KDM4C: variants seen among roughly 807,000 people sequenced by gnomAD.
The protein encoded by KDM4C is lysine demethylase 4C, also known as lysine-specific demethylase 4C.
A neutral mutation model predicts 129.3 loss-of-function variants in KDM4C; 81 were observed. That is an observed-to-expected ratio of 0.63 (90% CI 0.52 to 0.75). The LOEUF (loss-of-function observed/expected upper bound fraction) is 0.75. Among genes scored for constraint, KDM4C ranks in the 30% least tolerant of loss-of-function variants. The probability of loss-of-function intolerance (pLI) is 0.00; values close to 1 mark genes in which losing one functional copy is unlikely to be tolerated. For missense variants in KDM4C, 1,457 were observed against 1,304.0 expected (o/e 1.12, Z -1.81); for synonymous variants, 573 against 456.1 (o/e 1.26, Z -3.26).
chr9:7,054,702 T>C (rs999324324), intron 17 of KDM4C, among the ~76,000 whole-genome samples: 2 of 152,352 alleles, frequency 1.3e-5, no homozygotes. Flanking sequence ...TTACCATGAA[T>C]GTTTATTGTA....
rs776962078 is a variant in KDM4C at position 7,065,382 on chromosome 9, G to C, written c.2424+16182G>C. ...TTGACTACTTTTCATTACAGGAATA[G>C]CGCTTAAGGTTAATTAAAACTTTCA... On this transcript the variant is annotated intron_variant, in intron 17 of 21. Transcript: ENST00000381309. Among the ~76,000 whole-genome samples the C allele has an allele frequency of 5.3e-5, 8 of 152,072 alleles. No individual in the cohort carries two copies. The East Asian group carries it at 1.3e-3, about 26-fold the overall frequency.
At chr9:7,121,048 A>T (rs1036598145) in intron 18 of KDM4C, among the ~76,000 whole-genome samples, 1 of 152,232 alleles carries the variant, frequency 6.6e-6, no homozygotes, top group Non-Finnish European at 1.5e-5. Flanking sequence ...AGAGTTATAC[A>T]TCACTAACAT....
chr9:6,987,139 A>G (rs1277149688), intron 11 of KDM4C, among the ~76,000 whole-genome samples: 3 of 152,126 alleles, frequency 2.0e-5, no homozygotes, highest in South Asian at 4.2e-4. Context: ...CTTTCTGCCA[A>G]TAGTTAATAC....
chr9:6,772,296 C>T (rs1822013476), intron 1 of KDM4C, among the ~76,000 whole-genome samples: 1 of 150,838 alleles, frequency 6.6e-6, no homozygotes, highest in South Asian at 2.1e-4. Context: ...ATTATAGGTG[C>T]CTGCCACCAT....
chr9:7,007,455 G>C (rs1167598642), intron 12 of KDM4C, among the ~76,000 whole-genome samples: 1 of 152,164 alleles, frequency 6.6e-6, no homozygotes, highest in Admixed American at 6.5e-5. Flanking sequence ...AGAACCTAGG[G>C]AGAAAAGGAG....
In KDM4C at chr9:7,113,730, C is replaced by T. The variant is rs117508546; in HGVS notation, c.2610+9860C>T. Among the ~76,000 whole-genome samples the T allele has an allele frequency of 5.3e-5, 8 of 152,310 alleles. No individual in the cohort carries two copies. The East Asian group carries it at 5.8e-4, about 11-fold the overall frequency. On this transcript the variant is annotated intron_variant, in intron 18 of 21. Coordinates refer to ENST00000381309, the MANE Select transcript of KDM4C (RefSeq NM_015061.6). ...TTCGTGCTAATGAAAAATAATTTCT[C>T]GAGCATTTGATGAGCTCCTATTATG...
chr9:6,900,302 CT>C (rs1171354571), intron 8 of KDM4C, among the ~76,000 whole-genome samples: 1 of 152,180 alleles, frequency 6.6e-6, no homozygotes, highest in Non-Finnish European at 1.5e-5. Flanking sequence ...CCCTTCTGGA[CT>C]CATTTTTCTA....
chr9:6,796,739 T>C (rs1827828222), intron 2 of KDM4C, among the ~76,000 whole-genome samples: 1 of 152,228 alleles, frequency 6.6e-6, no homozygotes, highest in South Asian at 2.1e-4. Flanking sequence ...CCTGTGATAA[T>C]TTCCTATTAC....
intron 17 of KDM4C, chr9:7,076,522 G>C: frequency 6.5e-7 from 1 of 1,544,162 alleles, no homozygotes; most frequent in Non-Finnish European, 8.7e-7. Flanking sequence ...CATTAGGAAA[G>C]TTACATCCCC....
In KDM4C at chr9:6,826,194, A is replaced by T. The variant is rs190242021; in HGVS notation, c.435+11449A>T. On this transcript the variant is annotated intron_variant, in intron 4 of 21. Coordinates refer to ENST00000381309, the MANE Select transcript of KDM4C (RefSeq NM_015061.6). ...GGGGAAAAGTTTTTTTTTTTTTGCT[A>T]TGCTCGTACTAGGTGGATGGGTGGT... Among the ~76,000 whole-genome samples the T allele has an allele frequency of 2.2e-3, 325 of 147,072 alleles. 3 individuals carry two copies. The highest frequency in any genetic ancestry group is 6.6e-3 in the African/African-American group (262 of 39,952).
intron 8 of KDM4C, among the ~76,000 whole-genome samples, chr9:6,922,631 C>A (rs568177255): frequency 6.6e-6 from 1 of 152,244 alleles, no homozygotes; most frequent in East Asian, 1.9e-4. Context: ...CCTGTAGTCT[C>A]ATCTACCTGG....
intron 8 of KDM4C, among the ~76,000 whole-genome samples, chr9:6,955,343 T>C (rs1292441211): frequency 2.6e-5 from 4 of 152,262 alleles, no homozygotes; most frequent in African/African-American, 9.6e-5. Flanking sequence ...GTTTTGGTTT[T>C]ACCTTTGAAT....
chr9:7,173,323 C>T (rs1038475091), intron 21 of KDM4C, among the ~76,000 whole-genome samples: 8 of 152,194 alleles, frequency 5.3e-5, no homozygotes, highest in Non-Finnish European at 1.2e-4. Flanking sequence ...CTGAGCCAGG[C>T]AAGTATGACC....
chr9:6,721,922 A>G (rs186510489), intron 1 of KDM4C, among the ~76,000 whole-genome samples: 6 of 152,092 alleles, frequency 3.9e-5, no homozygotes, highest in Admixed American at 3.3e-4. Context: ...GGGTCTCACT[A>G]TGCTGCCCAG....
At position 7,068,682 on chromosome 9, in the gene KDM4C, C is replaced by CTCTCTTTTTTTTTTTTTTTTTTTTT. The variant is rs1491581614; in HGVS notation, c.2424+19483_2424+19484insCTCTTTTTTTTTTTTTTTTTTTTTT. 9.0e-5 allele frequency among the ~76,000 whole-genome samples: 8 copies of CTCTCTTTTTTTTTTTTTTTTTTTTT among 88,534 alleles called. 3 individuals carry two copies. The highest frequency in any genetic ancestry group is 1.3e-4 in the African/African-American group (3 of 22,402). The allele number at this position is 88,534 out of a possible 152,430, so 58.1% of individuals were successfully genotyped here. On this transcript the variant is annotated intron_variant, in intron 17 of 21. Coordinates refer to ENST00000381309, the MANE Select transcript of KDM4C (RefSeq NM_015061.6). Reference sequence around the variant, plus strand: ...CTATTTCATACATGTTTATGATGCCCTTTCTTTTTTTTTTTTTTTTTTTTT... The same window carrying CTCTCTTTTTTTTTTTTTTTTTTTTT: ...CTATTTCATACATGTTTATGATGCCCTCTCTTTTTTTTTTTTTTTTTTTTTTTTCTTTTTTTTTTTTTTTTTTTTT...
At chr9:6,857,130 A>T (rs942202690) in intron 5 of KDM4C, among the ~76,000 whole-genome samples, 1 of 152,098 alleles carries the variant, frequency 6.6e-6, no homozygotes, top group Admixed American at 6.6e-5. Flanking sequence ...AAGTCCTGGG[A>T]TTATAGGCAT....
chr9:6,951,876 TTATAAA>T (rs1028168029), intron 8 of KDM4C, among the ~76,000 whole-genome samples: 1 of 152,232 alleles, frequency 6.6e-6, no homozygotes, highest in African/African-American at 2.4e-5. Flanking sequence ...AAATGACACG[TTATAAA>T]TATATGATTA....
At chr9:7,036,860 G>T (rs1194973453) in intron 15 of KDM4C, among the ~76,000 whole-genome samples, 4 of 152,168 alleles carry the variant, frequency 2.6e-5, no homozygotes, top group Non-Finnish European at 4.4e-5. Flanking sequence ...ATTAATAGTT[G>T]TTGAATTAAT....
In KDM4C at chr9:7,025,834, T is replaced by G. The variant is rs1349816031; in HGVS notation, c.2259+9905T>G. On this transcript the variant is annotated intron_variant, in intron 15 of 21. Coordinates refer to ENST00000381309, the MANE Select transcript of KDM4C (RefSeq NM_015061.6). ...TGTTATAATATGCTGCATTTTTTTG[T>G]GTACTTACTATTACCAGTGAGTTTT... Among the ~76,000 whole-genome samples, 4 of 152,234 alleles carry G rather than the reference T, an allele frequency of 2.6e-5. No homozygotes were observed. In the South Asian group the frequency reaches 8.3e-4, roughly 32 times the overall value.
Sources: gnomAD v4.1 joint callset for allele counts (sites outside exome capture counted in the v4.1 genomes callset) on GRCh38, gnomAD v4.1.1 for gene constraint, MANE v1.5 for transcripts, NCBI Gene and HGNC (gene_info 2026-07-23, HGNC 2026-07-21) for gene names.